Variants in FBXO48 observed in about 807,000 individuals in gnomAD.
FBXO48 encodes F-box only protein 48.
Under a neutral mutation model 14.3 loss-of-function variants are expected in FBXO48, and 12 were observed. The ratio of observed to expected loss-of-function variants is 0.84; its 90% confidence interval spans 0.54 to 1.36. FBXO48 has a LOEUF of 1.36. Ranked by LOEUF, FBXO48 falls within the 40% of genes most tolerant of loss-of-function variation. The pLI is 0.00. For missense variants in FBXO48, 177 were observed against 179.1 expected (o/e 0.99, Z 0.07); for synonymous variants, 53 against 61.7 (o/e 0.86, Z 0.66).
At chr2:68,465,531 A>C (rs1348229657) in intron 2 of FBXO48, among the ~76,000 whole-genome samples, 1 of 151,088 alleles carries the variant, frequency 6.6e-6, no homozygotes, top group Admixed American at 6.6e-5. Context: ...TTAAAAAAAA[A>C]AAAAAGAAAA....
chr2:68,466,103 C>A (rs1014739412), intron 2 of FBXO48, 41 bp downstream of exon 2: 1 of 152,164 alleles, frequency 6.6e-6, no homozygotes, highest in African/African-American at 2.4e-5. Context: ...GTATGTGACT[C>A]TTTGAAGCCC....
intron 2 of FBXO48, 93 bp from the exon 3 acceptor site, chr2:68,465,271 T>C (rs1675372107): frequency 3.0e-6 from 2 of 675,676 alleles, no homozygotes; most frequent in Non-Finnish European, 2.5e-6. Flanking sequence ...TTAAGAACTC[T>C]TTCTTGACTT....
At chr2:68,464,703 C>G in intron 3 of FBXO48, 137 bp downstream of exon 3, 1 of 677,174 alleles carries the variant, frequency 1.5e-6, no homozygotes, top group Middle Eastern at 3.2e-4. Context: ...AACTTTAACT[C>G]ATTTCCAAGA....
rs1240577450 is a variant in FBXO48, at chr2:68,465,173, T to A, written c.-28A>T. 1 of 1,530,594 alleles carries A rather than the reference T, an allele frequency of 6.5e-7. No homozygotes were observed. Among genetic ancestry groups the A allele is most frequent in the East Asian group, 2.3e-5 (1 of 44,280 alleles). The allele number at this position is 1,530,594 out of a possible 1,614,324, so 94.8% of individuals were successfully genotyped here. ...CTTAATGTTTTAAGTTATCCTCATA[T>A]GTAACCTAAAAGGCAAAATTTAAAC... is the stretch of plus-strand genomic sequence containing the variant. On this transcript the variant is annotated 5_prime_UTR_variant, in exon 3 of 4. Coordinates refer to ENST00000377957, the MANE Select transcript of FBXO48 (RefSeq NM_001024680.3).
At position 68,461,945 on chromosome 2, in the gene FBXO48, G is replaced by A. The variant is rs923476384; in HGVS notation, c.*2264C>T. 6.6e-6 allele frequency: 1 copy of A among 152,020 alleles called. No individual in the cohort carries two copies. 9.4% of individuals were successfully genotyped at this position (152,020 alleles called of 1,614,324 possible). ...TGGCTGCTCGGGAGGCTGACACAGA[G>A]AGTTGCTTGAACCTGGGAGGTGGAG... On this transcript the variant is annotated 3_prime_UTR_variant, in exon 4 of 4. Transcript: ENST00000377957.
Position 68,464,949 on chromosome 2 carries a change from TTCCA to T in FBXO48, c.193_196del (p.Trp65MetfsTer4), listed in dbSNP as rs1675363509. 6.2e-7 allele frequency: 1 copy of T among 1,614,044 alleles called. No homozygotes were observed. Among genetic ancestry groups the T allele is most frequent in the Admixed American group, 1.7e-5 (1 of 60,028 alleles). ...AGAGTCACTGTTTCTTATTGTGTCA[TTCCA>T]GCTCCTGCATGTCAATGAAGCCCTG... On this transcript the variant is annotated frameshift_variant, in exon 3 of 4. Transcript: ENST00000377957. LOFTEE classifies it high-confidence loss of function.
intron 2 of FBXO48, among the ~76,000 whole-genome samples, chr2:68,465,441 C>A (rs1257083044): frequency 6.7e-6 from 1 of 150,060 alleles, no homozygotes; most frequent in Non-Finnish European, 1.5e-5. Flanking sequence ...GGCTGGAGTG[C>A]AGATGTGTCA....
rs139903910 is a variant in FBXO48 at position 68,464,872 on chromosome 2, C to G, written c.274G>C (p.Asp92His). The change falls in exon 3 of 4, where the codon GAT (aspartate) becomes CAT (histidine). Residue 92 changes from aspartate to histidine, a missense_variant. Coordinates refer to ENST00000377957, the MANE Select transcript of FBXO48 (RefSeq NM_001024680.3). ...GAATAACCACTTTCTAGATCATCAT[C>G]TATTTCTCTTCGGCACACAGCTCTT... ...TVRAVCRREIDDDLESGYSWR... is the reference protein window; with the variant it reads ...TVRAVCRREIHDDLESGYSWR... 2 of 1,613,098 alleles carry G rather than the reference C, an allele frequency of 1.2e-6. No homozygotes were observed. The highest frequency in any genetic ancestry group is 1.7e-6 in the Non-Finnish European group (2 of 1,179,836).
chr2:68,460,812 G>A lies in FBXO48; in HGVS notation c.*3397C>T, dbSNP rs1675242630. On this transcript the variant is annotated 3_prime_UTR_variant, in exon 4 of 4. Coordinates refer to ENST00000377957, the MANE Select transcript of FBXO48 (RefSeq NM_001024680.3). ...GTCTTTGGAGGAAACTGAGAAGACG[G>A]GTTAGAGTAGGGAAAGAAAAGTCCA... 1 of 152,170 alleles carries A rather than the reference G, an allele frequency of 6.6e-6. No individual in the cohort carries two copies. Among genetic ancestry groups the A allele is most frequent in the Non-Finnish European group, 1.5e-5 (1 of 68,046 alleles). The allele number at this position is 152,170 out of a possible 1,614,324, so 9.4% of individuals were successfully genotyped here. A position where few individuals can be genotyped will look rare whatever the true frequency, so the allele number is the denominator to read the frequency against.
At position 68,461,518 on chromosome 2, in the gene FBXO48, G is replaced by C. The variant is rs1400287293; in HGVS notation, c.*2691C>G. ...TCACCTTGTTAGCCAGGATGGTCTC[G>C]ATCTCCTGACCTCATGATCCACCCG... On this transcript the variant is annotated 3_prime_UTR_variant, in exon 4 of 4. Coordinates refer to ENST00000377957, the MANE Select transcript of FBXO48 (RefSeq NM_001024680.3). The C allele has an allele frequency of 1.4e-5, 2 of 147,776 alleles. No homozygotes were observed. The highest frequency in any genetic ancestry group is 2.2e-4 in the South Asian group (1 of 4,640). The allele number at this position is 147,776 out of a possible 1,614,324, so 9.2% of individuals were successfully genotyped here.
chr2:68,460,730 C>T lies in FBXO48; in HGVS notation c.*3479G>A, dbSNP rs1675239634. ...ATGTTAGAGTATAGAGACGAGATGA[C>T]AACAGGTGGAACTTTGGGGGAACAC... On this transcript the variant is annotated 3_prime_UTR_variant, in exon 4 of 4. Coordinates refer to ENST00000377957, the MANE Select transcript of FBXO48 (RefSeq NM_001024680.3). 6.6e-6 allele frequency: 1 copy of T among 152,002 alleles called. No homozygotes were observed. The highest frequency in any genetic ancestry group is 2.1e-4 in the South Asian group (1 of 4,826). 9.4% of individuals were successfully genotyped at this position (152,002 alleles called of 1,614,324 possible).
In FBXO48 at chr2:68,465,003, CTG is replaced by C. The variant is rs1305175157; in HGVS notation, c.141_142del (p.Phe47LeufsTer20). On this transcript the variant is annotated frameshift_variant, in exon 3 of 4. Coordinates refer to ENST00000377957, the MANE Select transcript of FBXO48 (RefSeq NM_001024680.3). LOFTEE classifies it high-confidence loss of function. ...GCACAGACTCCGAATGTCCAGCTGACTGAAAATTTTAAAAGTGATTTCTGCAG... is the reference window on the plus strand; with the variant it reads ...GCACAGACTCCGAATGTCCAGCTGACAAAATTTTAAAAGTGATTTCTGCAG... 6.2e-7 allele frequency: 1 copy of C among 1,613,998 alleles called. No individual in the cohort carries two copies. The highest frequency in any genetic ancestry group is 8.5e-7 in the Non-Finnish European group (1 of 1,180,040).
rs914269572 is a variant in FBXO48, at chr2:68,462,262, T to C, written c.*1947A>G. ...ATTTACTATTGTACACAGATGCTAT[T>C]CAGCAAAATGCTTATAGCTTTAATT... On this transcript the variant is annotated 3_prime_UTR_variant, in exon 4 of 4. Coordinates refer to ENST00000377957, the MANE Select transcript of FBXO48 (RefSeq NM_001024680.3). 2.0e-4 allele frequency: 31 copies of C among 152,388 alleles called. No individual in the cohort carries two copies. Among genetic ancestry groups the C allele is most frequent in the African/African-American group, 7.2e-4 (30 of 41,584 alleles). The allele number at this position is 152,388 out of a possible 1,614,324, so 9.4% of individuals were successfully genotyped here. A position where few individuals can be genotyped will look rare whatever the true frequency, so the allele number is the denominator to read the frequency against.
rs116640044 is a variant in FBXO48, at chr2:68,467,232, C to T, written c.-382G>A. ...CTACTAGGCCGCGGTAGCTTCTCCTCCCGCGATTTAAATCCACCGGAATTC... is the reference window on the plus strand; with the variant it reads ...CTACTAGGCCGCGGTAGCTTCTCCTTCCGCGATTTAAATCCACCGGAATTC... On this transcript the variant is annotated 5_prime_UTR_variant, in exon 1 of 4. Coordinates refer to ENST00000377957, the MANE Select transcript of FBXO48 (RefSeq NM_001024680.3). 4.1e-3 allele frequency: 628 copies of T among 152,714 alleles called. 2 individuals carry two copies. Among genetic ancestry groups the T allele is most frequent in the South Asian group, 9.1e-3 (44 of 4,830 alleles). 9.5% of individuals were successfully genotyped at this position (152,714 alleles called of 1,614,324 possible).
chr2:68,465,715 A>G (rs1465410757), intron 2 of FBXO48, among the ~76,000 whole-genome samples: 3 of 152,114 alleles, frequency 2.0e-5, no homozygotes, highest in Non-Finnish European at 4.4e-5. Context: ...GAAAATGTAT[A>G]TGAGTCAATC....
rs796317563 is a variant in FBXO48 at position 68,459,976 on chromosome 2, C to T, written c.*4233G>A. 1.2e-4 allele frequency: 18 copies of T among 152,308 alleles called. No homozygotes were observed. Among genetic ancestry groups the T allele is most frequent in the African/African-American group, 4.3e-4 (18 of 41,572 alleles). 9.4% of individuals were successfully genotyped at this position (152,308 alleles called of 1,614,324 possible). On this transcript the variant is annotated 3_prime_UTR_variant, in exon 4 of 4. Transcript: ENST00000377957. ...TGGGGATTACTCCAGGTATATCAAA[C>T]AGCCTGTGCAAAGGCAGAGAAGTGA...
rs1249828287 is a variant in FBXO48 at position 68,460,024 on chromosome 2, T to C, written c.*4185A>G. On this transcript the variant is annotated 3_prime_UTR_variant, in exon 4 of 4. Coordinates refer to ENST00000377957, the MANE Select transcript of FBXO48 (RefSeq NM_001024680.3). Reference sequence around the variant, plus strand: ...TGAGAAAATTTTTATGAAATAGTTTTGTAAGACTGAACAGAAAGATATAGG... The same window carrying C: ...TGAGAAAATTTTTATGAAATAGTTTCGTAAGACTGAACAGAAAGATATAGG... The C allele has an allele frequency of 6.6e-6, 1 of 152,222 alleles. No individual in the cohort carries two copies. The highest frequency in any genetic ancestry group is 1.5e-5 in the Non-Finnish European group (1 of 68,046). 9.4% of individuals were successfully genotyped at this position (152,222 alleles called of 1,614,324 possible).
Position 68,465,014 on chromosome 2 carries a change from A to T in FBXO48, c.132T>A (p.Phe44Leu), listed in dbSNP as rs1675365790. 2 of 1,613,928 alleles carry T rather than the reference A, an allele frequency of 1.2e-6. No individual in the cohort carries two copies. Among genetic ancestry groups the T allele is most frequent in the Non-Finnish European group, 1.7e-6 (2 of 1,179,986 alleles). Residue 44 changes from phenylalanine (F) to leucine (L), a missense_variant, in exon 3 of 4, where the codon TTT (phenylalanine) becomes TTA (leucine). Phe to Leu is a conservative substitution (Grantham distance 22, BLOSUM62 0). Transcript: ENST00000377957. ...GAATGTCCAGCTGACTGAAAATTTTAAAAGTGATTTCTGCAGGCAGCAGTT... is the reference window on the plus strand; with the variant it reads ...GAATGTCCAGCTGACTGAAAATTTTTAAAGTGATTTCTGCAGGCAGCAGTT... Reference protein sequence around the residue: ...FFELLPAEITFKIFSQLDIRS... With the variant: ...FFELLPAEITLKIFSQLDIRS...
rs1675328182 is a variant in FBXO48, at chr2:68,463,904, C to G, written c.*305G>C. The G allele has an allele frequency of 4.5e-6, 1 of 220,202 alleles. No individual in the cohort carries two copies. Among genetic ancestry groups the G allele is most frequent in the Non-Finnish European group, 9.2e-6 (1 of 108,354 alleles). 13.6% of individuals were successfully genotyped at this position (220,202 alleles called of 1,614,324 possible). On this transcript the variant is annotated 3_prime_UTR_variant, in exon 4 of 4. Coordinates refer to ENST00000377957, the MANE Select transcript of FBXO48 (RefSeq NM_001024680.3). ...CATTAAGCTGAACATACAAATCACT[C>G]TTACATTTAGTATTGCAAATATATT...
Sources: allele counts gnomAD v4.1 joint callset (sites outside exome capture counted in the v4.1 genomes callset), GRCh38; gene constraint gnomAD v4.1.1; transcripts MANE v1.5; gene names NCBI Gene and HGNC (gene_info 2026-07-23, HGNC 2026-07-21).